The following ADAMTS12 variants were observed in gnomAD, a reference collection of about 807,000 sequenced individuals.
ADAMTS12 encodes ADAM metallopeptidase with thrombospondin type 1 motif 12, also known as A disintegrin and metalloproteinase with thrombospondin motifs 12.
A neutral mutation model predicts 167.8 loss-of-function variants in ADAMTS12; 118 were observed. That is an observed-to-expected ratio of 0.70 (90% CI 0.61 to 0.82). ADAMTS12 has a LOEUF of 0.82. ADAMTS12 is among the 40% of genes least tolerant of loss of function. ADAMTS12 has a pLI of 0.00. For synonymous variants in ADAMTS12, 704 were observed against 716.9 expected, an observed-to-expected ratio of 0.98 and a Z score of 0.29; for missense variants, 1,916 against 1,998.8, an observed-to-expected ratio of 0.96 and a Z score of 0.79.
intron 2 of ADAMTS12, among the ~76,000 whole-genome samples, chr5:33,831,343 T>C (rs547316644): frequency 3.9e-5 from 6 of 152,332 alleles, no homozygotes; most frequent in African/African-American, 1.2e-4. Context: ...TTCCAGTCCA[T>C]GCATTCTGCT....
At chr5:33,577,276 T>C (rs953125801) in intron 18 of ADAMTS12, 116 bp from the exon 19 acceptor site, 30 of 1,434,332 alleles carry the variant, frequency 2.1e-5, no homozygotes, top group Non-Finnish European at 2.8e-5. Flanking sequence ...GCTAAAATTG[T>C]CTGCTATCTA....
At chr5:33,621,947 G>T (rs867079491) in intron 14 of ADAMTS12, among the ~76,000 whole-genome samples, 18 of 152,340 alleles carry the variant, frequency 1.2e-4, no homozygotes, top group African/African-American at 4.3e-4. Context: ...CTCAAAAGAG[G>T]GTTGTGAGAT....
At chr5:33,875,076 A>G (rs1311157446) in intron 2 of ADAMTS12, among the ~76,000 whole-genome samples, 1 of 152,214 alleles carries the variant, frequency 6.6e-6, no homozygotes, top group African/African-American at 2.4e-5. Flanking sequence ...TAAGTGAAAA[A>G]GGCCAATCTG....
intron 16 of ADAMTS12, among the ~76,000 whole-genome samples, chr5:33,605,427 T>C (rs1027566493): frequency 6.6e-6 from 1 of 152,196 alleles, no homozygotes; most frequent in African/African-American, 2.4e-5. Flanking sequence ...TAGTTGAGCA[T>C]AATAAATTGT....
intron 3 of ADAMTS12, among the ~76,000 whole-genome samples, chr5:33,714,112 A>T (rs189642531): frequency 8.2e-4 from 125 of 152,256 alleles, no homozygotes; most frequent in African/African-American, 2.7e-3. Context: ...AGAGTTTTAC[A>T]AATTGGGGAA....
chr5:33,744,089 G>A (rs563494386), intron 3 of ADAMTS12, among the ~76,000 whole-genome samples: 14 of 152,264 alleles, frequency 9.2e-5, no homozygotes, highest in Admixed American at 3.9e-4. Context: ...AGTTCCTGCC[G>A]TGGCCAGGAA....
intron 2 of ADAMTS12, among the ~76,000 whole-genome samples, chr5:33,853,133 A>G (rs16891839): frequency 0.023 from 3,470 of 152,308 alleles, 140 homozygotes; most frequent in African/African-American, 0.079. Flanking sequence ...CCTGTTACAC[A>G]TAGATTTTAA....
intron 2 of ADAMTS12, among the ~76,000 whole-genome samples, chr5:33,853,694 A>G (rs1304873280): frequency 6.6e-6 from 1 of 152,250 alleles, no homozygotes; most frequent in East Asian, 1.9e-4. Context: ...GGCTTTCGAC[A>G]AACAATTTGC....
chr5:33,572,075 A>G (rs1482433317), intron 19 of ADAMTS12, among the ~76,000 whole-genome samples: 2 of 152,210 alleles, frequency 1.3e-5, no homozygotes, highest in Middle Eastern at 3.2e-3. Flanking sequence ...GAATAGACCA[A>G]TAACAGGAGC....
chr5:33,618,970 G>A (rs1427003056), intron 14 of ADAMTS12, among the ~76,000 whole-genome samples: 1 of 152,156 alleles, frequency 6.6e-6, no homozygotes, highest in African/African-American at 2.4e-5. Flanking sequence ...AAAGAGTATT[G>A]GGTGTAATGA....
intron 2 of ADAMTS12, among the ~76,000 whole-genome samples, chr5:33,770,791 C>A (rs989921396): frequency 6.7e-5 from 10 of 148,538 alleles, no homozygotes; most frequent in African/African-American, 1.9e-4. Context: ...TTCTTCTTCT[C>A]CTTCTCCTCC....
chr5:33,842,067 G>C (rs1748765242), intron 2 of ADAMTS12, among the ~76,000 whole-genome samples: 1 of 152,136 alleles, frequency 6.6e-6, no homozygotes, highest in Admixed American at 6.5e-5. Flanking sequence ...ATGCAATCGG[G>C]TGAAGCCTCA....
chr5:33,811,396 C>T (rs967990031), intron 2 of ADAMTS12, among the ~76,000 whole-genome samples: 3 of 152,130 alleles, frequency 2.0e-5, no homozygotes, highest in Non-Finnish European at 2.9e-5. Flanking sequence ...GGAAGGATGA[C>T]TTCAATTAGG....
chr5:33,715,532 T>C (rs1386700569), intron 3 of ADAMTS12, among the ~76,000 whole-genome samples: 1 of 152,164 alleles, frequency 6.6e-6, no homozygotes, highest in Non-Finnish European at 1.5e-5. Context: ...GGGGAATCTC[T>C]GGAATGATAA....
Position 33,643,358 on chromosome 5 carries a change from T to C in ADAMTS12, c.1572+20A>G. 1 of 1,613,632 alleles carries C rather than the reference T, an allele frequency of 6.2e-7. No individual in the cohort carries two copies. The highest frequency in any genetic ancestry group is 8.5e-7 in the Non-Finnish European group (1 of 1,179,626). ...TCTGCCCACCGCCCTCCCACCTCAT[T>C]CCTCGGCCTGACGCATCACCTTCTT... On this transcript the variant is annotated intron_variant, in intron 10 of 23. Transcript: ENST00000504830.
Position 33,574,410 on chromosome 5 carries a change from C to T in ADAMTS12, c.3972+1644G>A, listed in dbSNP as rs191971182. ...GGCACATATACACCATGGAATACTA[C>T]GCAGTCATAAAAAATGATGAGTTCA... On this transcript the variant is annotated intron_variant, in intron 19 of 23. Transcript: ENST00000504830. Among the ~76,000 whole-genome samples the T allele has an allele frequency of 1.5e-3, 228 of 150,512 alleles. 5 individuals are homozygous for T. The East Asian group carries it at 0.025, about 17-fold the overall frequency.
chr5:33,751,248 G>A (rs768448334), intron 3 of ADAMTS12, 156 bp downstream of exon 3: 7 of 921,674 alleles, frequency 7.6e-6, no homozygotes, highest in Non-Finnish European at 1.1e-5. Context: ...TTTCTGGCAA[G>A]AGAATACAGA....
At chr5:33,615,676 A>G (rs890246017) in intron 15 of ADAMTS12, 152 bp downstream of exon 15, 7 of 1,120,888 alleles carry the variant, frequency 6.2e-6, no homozygotes, top group Admixed American at 2.6e-5. Flanking sequence ...AAGGATTAAC[A>G]GCACAAACTA....
intron 3 of ADAMTS12, among the ~76,000 whole-genome samples, chr5:33,738,046 T>C (rs1177021151): frequency 6.6e-6 from 1 of 152,208 alleles, no homozygotes; most frequent in Non-Finnish European, 1.5e-5. Context: ...CAGGCTACCC[T>C]GGGCACAGAC....
Sources: allele counts gnomAD v4.1 joint callset (sites outside exome capture counted in the v4.1 genomes callset), GRCh38; gene constraint gnomAD v4.1.1; transcripts MANE v1.5; gene names NCBI Gene and HGNC (gene_info 2026-07-23, HGNC 2026-07-21).